RBFOX1: variants seen among roughly 807,000 people sequenced by gnomAD.
RBFOX1 encodes RNA binding fox-1 homolog 1, also known as RNA binding protein fox-1 homolog 1.
In RBFOX1, 8 loss-of-function variants were observed where a neutral mutation model predicts 57.7. That is an observed-to-expected ratio of 0.14 (90% CI 0.08 to 0.25). RBFOX1 has a LOEUF of 0.25. RBFOX1 is among the 10% of genes least tolerant of loss of function. RBFOX1 has a pLI of 1.00. For synonymous variants in RBFOX1, 326 were observed against 222.4 expected, an observed-to-expected ratio of 1.47 and a Z score of -4.15; for missense variants, 611 against 548.5, an observed-to-expected ratio of 1.11 and a Z score of -1.14.
At chr16:6,044,420 C>A (rs554648428) in intron 1 of RBFOX1, among the ~76,000 whole-genome samples, 4 of 151,600 alleles carry the variant, frequency 2.6e-5, no homozygotes, top group East Asian at 3.9e-4. Flanking sequence ...AATTCAAGAA[C>A]ACTGCCCCTT....
intron 3 of RBFOX1, among the ~76,000 whole-genome samples, chr16:5,655,990 GC>G: frequency 6.6e-6 from 1 of 152,312 alleles, no homozygotes; most frequent in Non-Finnish European, 1.5e-5. Flanking sequence ...CACAATGTCA[GC>G]CACTTTCACA....
chr16:6,034,109 C>T (rs375042477), intron 1 of RBFOX1, among the ~76,000 whole-genome samples: 39 of 151,676 alleles, frequency 2.6e-4, no homozygotes, highest in Admixed American at 7.2e-4. Flanking sequence ...CCGAGGTGGG[C>T]GGATCACCTG....
chr16:7,499,108 A>G (rs765586239), intron 4 of RBFOX1, among the ~76,000 whole-genome samples: 1 of 152,206 alleles, frequency 6.6e-6, no homozygotes, highest in African/African-American at 2.4e-5. Flanking sequence ...GACTTGAAAT[A>G]GAAATTTACT....
At chr16:7,350,154 T>TA (rs900051143) in intron 4 of RBFOX1, among the ~76,000 whole-genome samples, 255 of 149,854 alleles carry the variant, frequency 1.7e-3, no homozygotes, top group Middle Eastern at 0.014. Flanking sequence ...CTAAAAAATT[T>TA]AAAAAAAAAA....
intron 1 of RBFOX1, among the ~76,000 whole-genome samples, chr16:6,130,168 A>G (rs1185779746): frequency 1.3e-5 from 2 of 152,160 alleles, no homozygotes; most frequent in African/African-American, 4.8e-5. Flanking sequence ...TTATTTGGGG[A>G]AAACAGATAG....
At chr16:7,179,474 A>G (rs893586029) in intron 4 of RBFOX1, among the ~76,000 whole-genome samples, 1 of 152,194 alleles carries the variant, frequency 6.6e-6, no homozygotes, top group African/African-American at 2.4e-5. Flanking sequence ...ACGGTTCACC[A>G]AAATCTGTGA....
At chr16:6,850,731 G>T (rs57824974) in intron 3 of RBFOX1, among the ~76,000 whole-genome samples, 2,996 of 152,210 alleles carry the variant, frequency 0.02, 96 homozygotes, top group African/African-American at 0.068. Context: ...AAAGAATAGT[G>T]ACAATACCAA....
At chr16:6,376,790 T>C (rs147442021) in intron 2 of RBFOX1, among the ~76,000 whole-genome samples, 1 of 152,278 alleles carries the variant, frequency 6.6e-6, no homozygotes, top group African/African-American at 2.4e-5. Context: ...AATCGGGGTA[T>C]TAGCAGCGCC....
At chr16:5,296,418 C>T (rs1024380756) in intron 1 of RBFOX1, among the ~76,000 whole-genome samples, 2 of 152,006 alleles carry the variant, frequency 1.3e-5, no homozygotes, top group Non-Finnish European at 2.9e-5. Context: ...GTTTACATCC[C>T]CAGAACCCAT....
intron 3 of RBFOX1, among the ~76,000 whole-genome samples, chr16:5,712,400 G>T (rs2051523409): frequency 1.3e-5 from 2 of 152,204 alleles, no homozygotes; most frequent in Admixed American, 1.3e-4. Flanking sequence ...CAGCTGGTTG[G>T]CATTACAGGC....
At chr16:6,156,780 G>C (rs909006412) in intron 1 of RBFOX1, among the ~76,000 whole-genome samples, 13 of 152,124 alleles carry the variant, frequency 8.5e-5, no homozygotes, top group Non-Finnish European at 1.5e-4. Context: ...TGTGTTACTC[G>C]TAACTGGGCA....
At chr16:5,962,818 G>GTTTTTTTTTTTTT (rs55961605) in intron 4 of RBFOX1, among the ~76,000 whole-genome samples, 1 of 135,380 alleles carries the variant, frequency 7.4e-6, no homozygotes, top group African/African-American at 2.7e-5. Flanking sequence ...TGAGGGTTTG[G>GTTTTTTTTTTTTT]TTTTTTTTTT....
At chr16:7,215,461 A>G (rs7197590) in intron 4 of RBFOX1, among the ~76,000 whole-genome samples, 13,760 of 152,240 alleles carry the variant, frequency 0.09, 843 homozygotes, top group Non-Finnish European at 0.13. Flanking sequence ...AATGTAGCAC[A>G]TATACACCAT....
intron 3 of RBFOX1, among the ~76,000 whole-genome samples, chr16:6,860,055 C>T (rs1043564479): frequency 6.6e-6 from 1 of 152,116 alleles, no homozygotes. Flanking sequence ...GCTATAATAC[C>T]GAGGTAAGTG....
chr16:5,601,470 C>G (rs2047361644), downstream of RBFOX1: 1 of 152,202 alleles, frequency 6.6e-6, no homozygotes, highest in South Asian at 2.1e-4. Flanking sequence ...ATGTCCTATG[C>G]CATCGCCTCT....
chr16:7,560,924 T>G (rs970054456), intron 5 of RBFOX1, among the ~76,000 whole-genome samples: 1 of 152,246 alleles, frequency 6.6e-6, no homozygotes, highest in African/African-American at 2.4e-5. Context: ...TATTCCCGTC[T>G]GGCCGAATTA....
intron 4 of RBFOX1, among the ~76,000 whole-genome samples, chr16:5,982,836 CTGTG>C (rs2060200534): frequency 6.6e-6 from 1 of 152,228 alleles, no homozygotes; most frequent in African/African-American, 2.4e-5. Context: ...GGAGCCTTTG[CTGTG>C]TTCACTATTA....
intron 2 of RBFOX1, among the ~76,000 whole-genome samples, chr16:6,410,145 T>G (rs1044443847): frequency 6.8e-6 from 1 of 147,572 alleles, no homozygotes; most frequent in African/African-American, 2.5e-5. Flanking sequence ...TCATTGCAGT[T>G]TAGAGTTTTA....
intron 4 of RBFOX1, among the ~76,000 whole-genome samples, chr16:7,359,215 T>C (rs2097273653): frequency 6.6e-6 from 1 of 152,164 alleles, no homozygotes; most frequent in African/African-American, 2.4e-5. Context: ...TGGTTTCTAA[T>C]CCTTACCTCT....
Sources: gnomAD v4.1 joint callset for allele counts (sites outside exome capture counted in the v4.1 genomes callset) on GRCh38, gnomAD v4.1.1 for gene constraint, MANE v1.5 for transcripts, NCBI Gene and HGNC (gene_info 2026-07-23, HGNC 2026-07-21) for gene names.